Variants in SH3BGRL2 observed in about 807,000 individuals in gnomAD.
The protein encoded by SH3BGRL2 is SH3 domain-binding glutamic acid-rich-like protein 2.
Under a neutral mutation model 14.8 loss-of-function variants are expected in SH3BGRL2, and 21 were observed. The observed-to-expected ratio is 1.42, with a 90% CI of 1.01 to 2.05. SH3BGRL2 has a LOEUF of 2.05. Ranked by LOEUF, SH3BGRL2 falls within the 30% of genes most tolerant of loss-of-function variation. The probability of loss-of-function intolerance (pLI) is 0.00; values close to 1 mark genes in which losing one functional copy is unlikely to be tolerated. For synonymous variants in SH3BGRL2, 50 were observed against 47.8 expected, an observed-to-expected ratio of 1.05 and a Z score of -0.19; for missense variants, 147 against 130.8, an observed-to-expected ratio of 1.12 and a Z score of -0.61.
chr6:79,553,296 A>G, the SH3BGRL2 span: 1 of 152,210 alleles, frequency 6.6e-6, no homozygotes, highest in Non-Finnish European at 1.5e-5. Flanking sequence ...GTAAGAATTA[A>G]TATGGAAATA....
At chr6:79,567,724 G>A in the SH3BGRL2 span, among the ~76,000 whole-genome samples, 557 of 152,256 alleles carry the variant, frequency 3.7e-3, 7 homozygotes, top group African/African-American at 0.013. Flanking sequence ...GGCAGAATCT[G>A]CAAAGTAAAA....
In SH3BGRL2 at chr6:79,702,946, C is replaced by T. The variant is rs1236655981; in HGVS notation, c.*3437C>T. 1 of 152,210 alleles carries T rather than the reference C, an allele frequency of 6.6e-6. No homozygotes were observed. The highest frequency in any genetic ancestry group is 1.5e-5 in the Non-Finnish European group (1 of 68,050). 9.4% of individuals were successfully genotyped at this position (152,210 alleles called of 1,614,324 possible). On this transcript the variant is annotated 3_prime_UTR_variant, in exon 4 of 4. Transcript: ENST00000369838. ...CAGAAGAAAACAGTATTTCTGAAGG[C>T]ATTGTTTGAGGTTGATCTCAGCACT... is the stretch of plus-strand genomic sequence containing the variant.
chr6:79,697,671 G>A (rs1375116580), intron 3 of SH3BGRL2, among the ~76,000 whole-genome samples: 5 of 152,118 alleles, frequency 3.3e-5, no homozygotes, highest in Admixed American at 1.3e-4. Context: ...CAAAACCCAC[G>A]CATGCCGTAT....
chr6:79,673,794 T>C lies in SH3BGRL2; in HGVS notation c.226T>C (p.Cys76Arg), dbSNP rs781745209. 15 of 1,613,410 alleles carry C rather than the reference T, an allele frequency of 9.3e-6. No individual in the cohort carries two copies. In the South Asian group the frequency reaches 1.4e-4, roughly 15 times the overall value. The stretch of plus-strand genomic sequence containing the variant: ...TCAGATATTTAATGGCGACCGATAC[T>C]GTGGAGTAAGTGGCTAGACTGTTAT... ...PPQIFNGDRY[C>R]GDYDSFFESK... The change falls in exon 2 of 4, where the codon TGT becomes CGT. Residue 76 changes from cysteine to arginine, a missense_variant. Coordinates refer to ENST00000369838, the MANE Select transcript of SH3BGRL2 (RefSeq NM_031469.4).
chr6:79,631,247 CCCT>C (rs1398786464), upstream of SH3BGRL2: 2 of 408,814 alleles, frequency 4.9e-6, no homozygotes, highest in African/African-American at 2.1e-5. Context: ...GCAGCCGGCT[CCCT>C]CCTCCTCCCT....
chr6:79,683,238 AT>A (rs1770027094), intron 2 of SH3BGRL2, among the ~76,000 whole-genome samples: 1 of 152,160 alleles, frequency 6.6e-6, no homozygotes, highest in African/African-American at 2.4e-5. Flanking sequence ...AAGATGTCTC[AT>A]TTCCATTAAG....
At chr6:79,544,970 A>G in the SH3BGRL2 span, among the ~76,000 whole-genome samples, 1 of 152,256 alleles carries the variant, frequency 6.6e-6, no homozygotes, top group Non-Finnish European at 1.5e-5. Flanking sequence ...AAACAGAAGA[A>G]GCTACAGAAA....
chr6:79,597,134 G>A, the SH3BGRL2 span, among the ~76,000 whole-genome samples: 1 of 151,954 alleles, frequency 6.6e-6, no homozygotes, highest in South Asian at 2.1e-4. Context: ...AAAAGCTGAG[G>A]CACAAGAATC....
At chr6:79,573,476 T>C in the SH3BGRL2 span, among the ~76,000 whole-genome samples, 2 of 152,184 alleles carry the variant, frequency 1.3e-5, no homozygotes, top group South Asian at 4.1e-4. Flanking sequence ...ATTTTTGCCC[T>C]ATGTTCTCTC....
At chr6:79,646,628 G>T (rs1769149947) in intron 1 of SH3BGRL2, among the ~76,000 whole-genome samples, 1 of 152,104 alleles carries the variant, frequency 6.6e-6, no homozygotes, top group Non-Finnish European at 1.5e-5. Context: ...TGTTTACTAT[G>T]TTGTACAATA....
chr6:79,547,843 A>G, the SH3BGRL2 span, among the ~76,000 whole-genome samples: 1 of 152,154 alleles, frequency 6.6e-6, no homozygotes, highest in Non-Finnish European at 1.5e-5. Flanking sequence ...CAATTAACAT[A>G]TAGAGTCCAA....
intron 1 of SH3BGRL2, among the ~76,000 whole-genome samples, chr6:79,670,182 TTTG>T (rs1056953706): frequency 6.6e-6 from 1 of 152,238 alleles, no homozygotes; most frequent in African/African-American, 2.4e-5. Flanking sequence ...CCATTATTCT[TTTG>T]TTTTTTTCCC....
chr6:79,671,791 C>G (rs1769779187), intron 1 of SH3BGRL2, among the ~76,000 whole-genome samples: 1 of 152,158 alleles, frequency 6.6e-6, no homozygotes, highest in African/African-American at 2.4e-5. Context: ...CCCCCGCCAC[C>G]CTAGGGTGGG....
chr6:79,622,302 T>A, the SH3BGRL2 span, among the ~76,000 whole-genome samples: 1 of 152,182 alleles, frequency 6.6e-6, no homozygotes, highest in Admixed American at 6.5e-5. Flanking sequence ...CAACCTTGAC[T>A]ACAAAGACAA....
At chr6:79,630,541 C>T (rs575258380), upstream of SH3BGRL2, among the ~76,000 whole-genome samples, 11 of 152,152 alleles carry the variant, frequency 7.2e-5, no homozygotes, top group Non-Finnish European at 1.2e-4. Context: ...CTGGAATGTG[C>T]AGCGGTTCTG....
At chr6:79,595,401 C>T in the SH3BGRL2 span, among the ~76,000 whole-genome samples, 4 of 151,920 alleles carry the variant, frequency 2.6e-5, no homozygotes, top group African/African-American at 9.7e-5. Context: ...TAAAGATATT[C>T]GGCTATATTA....
At chr6:79,585,767 T>C in the SH3BGRL2 span, among the ~76,000 whole-genome samples, 1 of 89,068 alleles carries the variant, frequency 1.1e-5, no homozygotes, top group Non-Finnish European at 2.6e-5. Flanking sequence ...ACTTTTTTGC[T>C]TTTTTTTTTT....
chr6:79,579,431 T>A, the SH3BGRL2 span, among the ~76,000 whole-genome samples: 3 of 152,168 alleles, frequency 2.0e-5, no homozygotes, highest in African/African-American at 7.2e-5. Context: ...GGGAAGCCTA[T>A]CAAGCTAGCA....
intron 2 of SH3BGRL2, among the ~76,000 whole-genome samples, chr6:79,691,542 TCC>T (rs1307885456): frequency 8.9e-5 from 12 of 134,850 alleles, no homozygotes; most frequent in Non-Finnish European, 1.9e-4. Flanking sequence ...TGTGTGACGT[TCC>T]CCTTCCTGTG....
Sources: gnomAD v4.1 joint callset for allele counts (sites outside exome capture counted in the v4.1 genomes callset) on GRCh38, gnomAD v4.1.1 for gene constraint, MANE v1.5 for transcripts, NCBI Gene and HGNC (gene_info 2026-07-23, HGNC 2026-07-21) for gene names.